The following GPC5 variants were observed in gnomAD, a reference collection of about 807,000 sequenced individuals.
GPC5 encodes the protein glypican 5.
GPC5 carries 47 observed loss-of-function variants against 53.9 expected under a neutral mutation model. The observed-to-expected ratio is 0.87, with a 90% CI of 0.69 to 1.11. GPC5 has a LOEUF of 1.11. GPC5 is among the 50% of genes most tolerant of loss of function. GPC5 has a pLI of 0.00. For missense variants in GPC5, 748 were observed against 713.1 expected (o/e 1.05, Z -0.56); for synonymous variants, 286 against 263.3 (o/e 1.09, Z -0.84).
intron 6 of GPC5, among the ~76,000 whole-genome samples, chr13:92,143,108 A>G (rs963424306): frequency 2.0e-5 from 3 of 152,104 alleles, no homozygotes; most frequent in African/African-American, 7.2e-5. Context: ...GTCCAGGTGT[A>G]TTATTGTCCC....
At chr13:91,476,474 CATAA>C (rs758407357) in intron 2 of GPC5, among the ~76,000 whole-genome samples, 3 of 152,266 alleles carry the variant, frequency 2.0e-5, no homozygotes, top group East Asian at 1.9e-4. Flanking sequence ...GAAAAATCCA[CATAA>C]ATAAAGTCAA....
chr13:92,785,806 C>T (rs1876211591), intron 7 of GPC5, among the ~76,000 whole-genome samples: 1 of 152,180 alleles, frequency 6.6e-6, no homozygotes, highest in African/African-American at 2.4e-5. Context: ...CTTCTCTGTG[C>T]AGTACAATAT....
intron 6 of GPC5, among the ~76,000 whole-genome samples, chr13:92,022,509 T>A (rs966235138): frequency 1.3e-5 from 2 of 152,212 alleles, no homozygotes; most frequent in African/African-American, 2.4e-5. Flanking sequence ...CCTGTGAAAT[T>A]ACATTGAGTC....
At chr13:92,065,758 G>A (rs1465436531) in intron 6 of GPC5, among the ~76,000 whole-genome samples, 1 of 151,970 alleles carries the variant, frequency 6.6e-6, no homozygotes, top group Non-Finnish European at 1.5e-5. Flanking sequence ...TATCTATTTT[G>A]TGTTTCCAGT....
At chr13:91,561,678 T>C (rs759199052) in intron 2 of GPC5, among the ~76,000 whole-genome samples, 1 of 152,122 alleles carries the variant, frequency 6.6e-6, no homozygotes, top group Non-Finnish European at 1.5e-5. Context: ...TTCACCTGTT[T>C]GGTCTGTGCA....
At chr13:92,073,316 C>T (rs1199223474) in intron 6 of GPC5, among the ~76,000 whole-genome samples, 10 of 152,196 alleles carry the variant, frequency 6.6e-5, no homozygotes, top group African/African-American at 2.4e-4. Context: ...AGCCAGAGGG[C>T]CATAGCTTGT....
At chr13:92,334,212 C>T (rs1566543401) in intron 7 of GPC5, among the ~76,000 whole-genome samples, 1 of 152,140 alleles carries the variant, frequency 6.6e-6, no homozygotes, top group Non-Finnish European at 1.5e-5. Flanking sequence ...GCTAGGGAGG[C>T]CTCTCAGTCA....
chr13:92,311,107 A>C (rs1212827311), intron 7 of GPC5, among the ~76,000 whole-genome samples: 1 of 152,204 alleles, frequency 6.6e-6, no homozygotes, highest in Non-Finnish European at 1.5e-5. Flanking sequence ...TGGAAAAACA[A>C]GAAAAACAAA....
At chr13:91,439,065 C>G (rs1880218795) in intron 1 of GPC5, among the ~76,000 whole-genome samples, 1 of 152,208 alleles carries the variant, frequency 6.6e-6, no homozygotes, top group African/African-American at 2.4e-5. Flanking sequence ...TGGAGCTGTT[C>G]CTATTCGGGC....
At chr13:92,842,737 T>A (rs1486103228) in intron 7 of GPC5, among the ~76,000 whole-genome samples, 5 of 151,308 alleles carry the variant, frequency 3.3e-5, no homozygotes, top group Admixed American at 6.6e-5. Context: ...GAGCCAGGAC[T>A]AAAACAATTA....
At chr13:91,611,884 T>C (rs59979535) in intron 2 of GPC5, among the ~76,000 whole-genome samples, 34,563 of 152,102 alleles carry the variant, frequency 0.23, 4,299 homozygotes, top group African/African-American at 0.33. Flanking sequence ...CTGCTGGGCC[T>C]CTGTGTTGTT....
chr13:92,071,753 TTA>T (rs1256579265), intron 6 of GPC5, among the ~76,000 whole-genome samples: 1 of 151,098 alleles, frequency 6.6e-6, no homozygotes, highest in Non-Finnish European at 1.5e-5. Context: ...ATCATTAAAT[TTA>T]TATGTTTTTT....
intron 6 of GPC5, among the ~76,000 whole-genome samples, chr13:92,030,877 G>GT (rs775457505): frequency 6.6e-6 from 1 of 152,134 alleles, no homozygotes; most frequent in South Asian, 2.1e-4. Flanking sequence ...GCTCTGCTGA[G>GT]TTTTTTTCTT....
intron 7 of GPC5, among the ~76,000 whole-genome samples, chr13:92,505,804 A>C (rs1402864570): frequency 6.6e-6 from 1 of 152,148 alleles, no homozygotes; most frequent in East Asian, 1.9e-4. Context: ...TTTGGTACTC[A>C]CAACATCTTA....
At chr13:92,355,725 G>T (rs2043515824) in intron 7 of GPC5, among the ~76,000 whole-genome samples, 1 of 151,858 alleles carries the variant, frequency 6.6e-6, no homozygotes, top group East Asian at 1.9e-4. Context: ...CACTGCATGG[G>T]CATATGTTAG....
chr13:92,552,559 A>C (rs1441463142), intron 7 of GPC5, among the ~76,000 whole-genome samples: 5 of 151,922 alleles, frequency 3.3e-5, no homozygotes, highest in Admixed American at 3.3e-4. Flanking sequence ...AATGTTAATT[A>C]TTTCAGAAGA....
intron 1 of GPC5, among the ~76,000 whole-genome samples, chr13:91,438,883 G>A (rs1448026325): frequency 1.3e-5 from 2 of 152,226 alleles, no homozygotes; most frequent in South Asian, 2.1e-4. Flanking sequence ...CCCCAGCCTC[G>A]CTGCTGCCTT....
chr13:92,299,259 C>G (rs1029043066), intron 7 of GPC5, among the ~76,000 whole-genome samples: 4 of 151,988 alleles, frequency 2.6e-5, no homozygotes, highest in African/African-American at 9.7e-5. Flanking sequence ...TTCAGAAATT[C>G]GAAGCAAACT....
chr13:91,478,090 A>G (rs569304298), intron 2 of GPC5, among the ~76,000 whole-genome samples: 35 of 152,220 alleles, frequency 2.3e-4, no homozygotes, highest in African/African-American at 7.9e-4. Context: ...AACCTTTCAT[A>G]TGAAAATTGT....
Sources: gnomAD v4.1 joint callset for allele counts (sites outside exome capture counted in the v4.1 genomes callset) on GRCh38, gnomAD v4.1.1 for gene constraint, MANE v1.5 for transcripts, NCBI Gene and HGNC (gene_info 2026-07-23, HGNC 2026-07-21) for gene names.